Variants in GRAMD4 observed in about 807,000 individuals in gnomAD.
GRAMD4 encodes GRAM domain-containing protein 4.
GRAMD4 carries 25 observed loss-of-function variants against 83.9 expected under a neutral mutation model. The ratio of observed to expected loss-of-function variants is 0.30; its 90% CI spans 0.22 to 0.42. The LOEUF (loss-of-function observed/expected upper bound fraction) is 0.42. Ranked by LOEUF, GRAMD4 falls within the 10% of genes least tolerant of loss-of-function variation. GRAMD4 has a pLI of 1.00. For missense variants in GRAMD4, 593 were observed against 788.7 expected, an observed-to-expected ratio of 0.75 and a Z score of 2.97; for synonymous variants, 336 against 320.9, an observed-to-expected ratio of 1.05 and a Z score of -0.50.
chr22:46,643,812 C>T (rs2082025670), intron 3 of GRAMD4, among the ~76,000 whole-genome samples: 1 of 152,168 alleles, frequency 6.6e-6, no homozygotes, highest in South Asian at 2.1e-4. Context: ...GTCACATCGG[C>T]AGGTACATGA....
intron 14 of GRAMD4, among the ~76,000 whole-genome samples, 164 bp downstream of exon 14, chr22:46,673,161 C>T (rs1013148855): frequency 3.9e-5 from 6 of 152,004 alleles, no homozygotes; most frequent in South Asian, 2.1e-4. Context: ...GTTACCACTG[C>T]GGTTTCTGAG....
At chr22:46,647,543 A>T (rs1224342680) in intron 3 of GRAMD4, among the ~76,000 whole-genome samples, 1 of 152,200 alleles carries the variant, frequency 6.6e-6, no homozygotes, top group Non-Finnish European at 1.5e-5. Flanking sequence ...GCTGGGATGA[A>T]GTCAGAGAGG....
chr22:46,596,325 A>G (rs2081261739), intron 1 of GRAMD4, among the ~76,000 whole-genome samples: 1 of 152,230 alleles, frequency 6.6e-6, no homozygotes, highest in African/African-American at 2.4e-5. Context: ...TGTGGCCAGG[A>G]TGACAGATGT....
At chr22:46,617,254 TC>T (rs1372187277), upstream of GRAMD4, among the ~76,000 whole-genome samples, 1 of 146,912 alleles carries the variant, frequency 6.8e-6, no homozygotes, top group Admixed American at 6.8e-5. Flanking sequence ...GTGTGTAGGT[TC>T]CCCTGTGCTT....
At chr22:46,666,465 A>G (rs2082410632) in intron 9 of GRAMD4, among the ~76,000 whole-genome samples, 1 of 151,998 alleles carries the variant, frequency 6.6e-6, no homozygotes, top group East Asian at 1.9e-4. Context: ...TTTTTTGTAG[A>G]AATCACTTAA....
chr22:46,680,392 A>C (rs2082654404), downstream of GRAMD4, among the ~76,000 whole-genome samples: 1 of 151,518 alleles, frequency 6.6e-6, no homozygotes, highest in South Asian at 2.1e-4. Context: ...GGAGGCAGAG[A>C]CCTCCCCAGG....
intron 1 of GRAMD4, among the ~76,000 whole-genome samples, chr22:46,603,112 T>G (rs536455790): frequency 5.3e-5 from 8 of 152,176 alleles, no homozygotes; most frequent in Middle Eastern, 3.4e-3. Flanking sequence ...GTGTTGAAAT[T>G]TTTTTTCCCG....
intron 18 of GRAMD4, 65 bp downstream of exon 18, chr22:46,676,733 C>T: frequency 7.0e-7 from 1 of 1,420,016 alleles, no homozygotes; most frequent in East Asian, 2.5e-5. Context: ...TCTGAGCAAC[C>T]CTGGGACCAG....
intron 2 of GRAMD4, among the ~76,000 whole-genome samples, chr22:46,633,030 G>A (rs1396876806): frequency 2.0e-5 from 3 of 152,166 alleles, no homozygotes; most frequent in Non-Finnish European, 4.4e-5. Context: ...CTTATTTGTA[G>A]GGCTGAGTGG....
intron 3 of GRAMD4, among the ~76,000 whole-genome samples, chr22:46,649,086 C>T (rs1173833406): frequency 6.6e-6 from 1 of 152,218 alleles, no homozygotes; most frequent in Non-Finnish European, 1.5e-5. Flanking sequence ...CCAGATGCAC[C>T]ACCTTGCTCC....
At chr22:46,600,060 A>G (rs2081297909) in intron 1 of GRAMD4, among the ~76,000 whole-genome samples, 1 of 152,136 alleles carries the variant, frequency 6.6e-6, no homozygotes, top group South Asian at 2.1e-4. Flanking sequence ...CGGAGAGTGG[A>G]AGAGTCCTTT....
chr22:46,666,675 C>T (rs1053482569), intron 9 of GRAMD4, 150 bp from the exon 10 acceptor site: 19 of 672,808 alleles, frequency 2.8e-5, no homozygotes, highest in Middle Eastern at 5.1e-4. Flanking sequence ...CAGGGGGTTC[C>T]GGAGGGACCT....
intron 9 of GRAMD4, 60 bp downstream of exon 9, chr22:46,665,766 C>T (rs2082399220): frequency 1.1e-6 from 1 of 921,864 alleles, no homozygotes; most frequent in Non-Finnish European, 1.8e-6. Context: ...TGTGCTGTCT[C>T]CCTGCGTCTC....
At chr22:46,601,021 A>G (rs540840232) in intron 1 of GRAMD4, among the ~76,000 whole-genome samples, 132 of 152,114 alleles carry the variant, frequency 8.7e-4, no homozygotes, top group African/African-American at 2.8e-3. Context: ...GCAGGTGCCT[A>G]TAGTCCCAGC....
Position 46,620,574 on chromosome 22 carries a change from C to A in GRAMD4, c.-50+9C>A. ...ATCTGAGACAGACGGAGGTAGGGGG[C>A]AGGGGGCAGGGGGCAGGGGGACATG... On this transcript the variant is annotated intron_variant, in intron 1 of 18. Coordinates refer to ENST00000406902, the MANE Select transcript of GRAMD4 (RefSeq NM_015124.5). The surrounding 1 kb of genome is among the most constrained non-coding windows in gnomAD (Gnocchi z 4.7). The A allele has an allele frequency of 7.1e-5, 1 of 13,996 alleles. No individual in the cohort carries two copies. The highest frequency in any genetic ancestry group is 1.5e-4 in the Non-Finnish European group (1 of 6,458). 0.9% of individuals were successfully genotyped at this position (13,996 alleles called of 1,614,324 possible). A position where few individuals can be genotyped will look rare whatever the true frequency, so the allele number is the denominator to read the frequency against.
chr22:46,644,695 C>CTGTTTTTTT (rs1569285137), intron 3 of GRAMD4, among the ~76,000 whole-genome samples: 2 of 76,758 alleles, frequency 2.6e-5, no homozygotes, highest in African/African-American at 6.4e-5. Flanking sequence ...CACTTGTTCC[C>CTGTTTTTTT]TGTTTTTTTT....
intron 5 of GRAMD4, 144 bp from the exon 6 acceptor site, chr22:46,662,896 C>T (rs2082349510): frequency 8.5e-6 from 6 of 701,994 alleles, no homozygotes; most frequent in Non-Finnish European, 1.2e-5. Flanking sequence ...CCTTCATTTC[C>T]CTGACCTACC....
chr22:46,675,659 G>A lies in GRAMD4; in HGVS notation c.1563+107G>A, dbSNP rs1439908820. Reference sequence around the variant, plus strand: ...TTCTGCCAGCCTCTGTCAGCATCTGGGCGCCGCGGCCACGCTGGCCGGCCA... The same window carrying A: ...TTCTGCCAGCCTCTGTCAGCATCTGAGCGCCGCGGCCACGCTGGCCGGCCA... On this transcript the variant is annotated intron_variant, in intron 17 of 18. Coordinates refer to ENST00000406902, the MANE Select transcript of GRAMD4 (RefSeq NM_015124.5). The A allele has an allele frequency of 6.5e-6, 5 of 774,306 alleles. No homozygotes were observed. The African/African-American group carries it at 8.7e-5, about 13-fold the overall frequency. The allele number at this position is 774,306 out of a possible 1,614,324, so 48.0% of individuals were successfully genotyped here.
At chr22:46,596,570 A>T (rs931778263) in intron 1 of GRAMD4, among the ~76,000 whole-genome samples, 7 of 152,230 alleles carry the variant, frequency 4.6e-5, no homozygotes, top group East Asian at 3.9e-4. Context: ...ACGGAGTCTC[A>T]TGTGCTCTGT....
Sources: allele counts gnomAD v4.1 joint callset (sites outside exome capture counted in the v4.1 genomes callset), GRCh38; gene constraint gnomAD v4.1.1; non-coding constraint Gnocchi (gnomAD v3.1); transcripts MANE v1.5; gene names NCBI Gene and HGNC (gene_info 2026-07-23, HGNC 2026-07-21).